Variants in CADM2 observed in about 807,000 individuals in gnomAD.
CADM2 encodes the protein cell adhesion molecule 2, also known as immunoglobulin superfamily member 4D.
In CADM2, 12 loss-of-function variants were observed where a neutral mutation model predicts 49.8. The ratio of observed to expected loss-of-function variants is 0.24; its 90% CI spans 0.15 to 0.39. The LOEUF (loss-of-function observed/expected upper bound fraction) is 0.39, where lower values mean the gene tolerates loss of function less well. CADM2 is among the 10% of genes least tolerant of loss of function. The probability of loss-of-function intolerance (pLI) is 1.00; values close to 1 mark genes in which losing one functional copy is unlikely to be tolerated. For synonymous variants in CADM2, 214 were observed against 175.4 expected (o/e 1.22, Z -1.74); for missense variants, 378 against 492.3 (o/e 0.77, Z 2.20).
At chr3:85,815,149 C>T (rs773011692) in intron 3 of CADM2, among the ~76,000 whole-genome samples, 11 of 151,940 alleles carry the variant, frequency 7.2e-5, no homozygotes, top group Non-Finnish European at 1.2e-4. Context: ...GATTCACAGC[C>T]GAATTCTACA....
At chr3:85,302,240 A>G (rs758259055) in intron 1 of CADM2, among the ~76,000 whole-genome samples, 33 of 152,166 alleles carry the variant, frequency 2.2e-4, no homozygotes, top group Non-Finnish European at 4.0e-4. Flanking sequence ...TTTTAACTGC[A>G]GATATATCTG....
intron 1 of CADM2, among the ~76,000 whole-genome samples, chr3:85,542,250 A>G (rs2061566459): frequency 6.6e-6 from 1 of 152,150 alleles, no homozygotes; most frequent in African/African-American, 2.4e-5. Flanking sequence ...CAATGAGAAA[A>G]GAGATATCTT....
At chr3:86,019,914 C>A (rs1732887913) in intron 8 of CADM2, among the ~76,000 whole-genome samples, 1 of 152,122 alleles carries the variant, frequency 6.6e-6, no homozygotes, top group Non-Finnish European at 1.5e-5. Context: ...GACACCCTAA[C>A]ATCACAATTA....
intron 1 of CADM2, among the ~76,000 whole-genome samples, chr3:85,485,134 A>G (rs1306211255): frequency 1.3e-5 from 2 of 151,956 alleles, no homozygotes; most frequent in African/African-American, 4.8e-5. Context: ...TCAATATTCA[A>G]TATATATTTA....
At chr3:86,061,195 A>G (rs1327877716) in intron 8 of CADM2, among the ~76,000 whole-genome samples, 2 of 152,086 alleles carry the variant, frequency 1.3e-5, no homozygotes, top group Non-Finnish European at 2.9e-5. Context: ...AATACACTAT[A>G]TAAAGCAAAA....
intron 1 of CADM2, among the ~76,000 whole-genome samples, chr3:85,242,783 A>G (rs922644644): frequency 2.6e-5 from 4 of 151,780 alleles, no homozygotes; most frequent in African/African-American, 9.7e-5. Flanking sequence ...AATTGTGTAA[A>G]TTGATATTCA....
chr3:85,170,500 G>A (rs931116589), intron 1 of CADM2, among the ~76,000 whole-genome samples: 5 of 151,802 alleles, frequency 3.3e-5, no homozygotes, highest in East Asian at 1.9e-4. Context: ...CACCACGCCC[G>A]GCTAATTTTC....
At chr3:85,740,063 C>A (rs372992645) in intron 2 of CADM2, among the ~76,000 whole-genome samples, 2 of 152,130 alleles carry the variant, frequency 1.3e-5, no homozygotes, top group African/African-American at 2.4e-5. Flanking sequence ...TAGTCACATG[C>A]AGTTAATGTC....
At chr3:85,013,785 A>G (rs1337085501) in intron 1 of CADM2, among the ~76,000 whole-genome samples, 2 of 148,466 alleles carry the variant, frequency 1.3e-5, no homozygotes, top group East Asian at 1.9e-4. Flanking sequence ...TATATATAAT[A>G]TTGTACTGAG....
chr3:85,796,700 A>G (rs527321572), intron 2 of CADM2, among the ~76,000 whole-genome samples: 2 of 152,280 alleles, frequency 1.3e-5, no homozygotes, highest in African/African-American at 2.4e-5. Flanking sequence ...GTGCCAATCA[A>G]CACACTTCTG....
At chr3:85,070,597 A>G (rs1272705754) in intron 1 of CADM2, among the ~76,000 whole-genome samples, 1 of 152,154 alleles carries the variant, frequency 6.6e-6, no homozygotes, top group Admixed American at 6.6e-5. Context: ...CTATAAAACG[A>G]AAGAAAGTTA....
At chr3:85,585,752 A>G (rs1361852779) in intron 1 of CADM2, among the ~76,000 whole-genome samples, 1 of 152,012 alleles carries the variant, frequency 6.6e-6, no homozygotes, top group Non-Finnish European at 1.5e-5. Flanking sequence ...AGAGATTTAG[A>G]GTTTGGAGAA....
At chr3:85,017,759 CA>C (rs1253079588) in intron 1 of CADM2, among the ~76,000 whole-genome samples, 1 of 152,080 alleles carries the variant, frequency 6.6e-6, no homozygotes, top group African/African-American at 2.4e-5. Context: ...TAACCAAATA[CA>C]GTATTATTAT....
chr3:85,257,503 T>C (rs551000753), intron 1 of CADM2, among the ~76,000 whole-genome samples: 1 of 152,276 alleles, frequency 6.6e-6, no homozygotes, highest in East Asian at 1.9e-4. Flanking sequence ...TTATTCCTTC[T>C]AGTAGGGCCT....
intron 8 of CADM2, among the ~76,000 whole-genome samples, chr3:85,989,418 G>T (rs971808738): frequency 6.6e-6 from 1 of 152,088 alleles, no homozygotes; most frequent in Non-Finnish European, 1.5e-5. Flanking sequence ...TCAAGAAAAC[G>T]AGGACACTGG....
chr3:85,416,407 T>A (rs2035922606), intron 1 of CADM2, among the ~76,000 whole-genome samples: 1 of 152,146 alleles, frequency 6.6e-6, no homozygotes, highest in Non-Finnish European at 1.5e-5. Context: ...AGACCTGAGA[T>A]CCTTTGAAAT....
At chr3:85,400,176 C>G (rs962520736) in intron 1 of CADM2, among the ~76,000 whole-genome samples, 1 of 152,092 alleles carries the variant, frequency 6.6e-6, no homozygotes, top group African/African-American at 2.4e-5. Flanking sequence ...TGAGTTTTGT[C>G]AAAGGCCTTT....
chr3:85,786,595 C>T (rs1011837235), intron 2 of CADM2, among the ~76,000 whole-genome samples: 2 of 151,934 alleles, frequency 1.3e-5, no homozygotes, highest in East Asian at 1.9e-4. Flanking sequence ...ATAGTTTGTT[C>T]GTTAGGGAAT....
chr3:85,075,780 T>C (rs1357911946), intron 1 of CADM2, among the ~76,000 whole-genome samples: 1 of 152,198 alleles, frequency 6.6e-6, no homozygotes. Context: ...TAGAGCATAA[T>C]AAGCGATGGT....
Sources: allele counts gnomAD v4.1 joint callset (sites outside exome capture counted in the v4.1 genomes callset), GRCh38; gene constraint gnomAD v4.1.1; transcripts MANE v1.5; gene names NCBI Gene and HGNC (gene_info 2026-07-23, HGNC 2026-07-21).